The following TMEM182 variants were observed in gnomAD, a reference collection of about 807,000 sequenced individuals.
TMEM182 encodes transmembrane protein 182.
A neutral mutation model predicts 26.8 loss-of-function variants in TMEM182; 20 were observed. That is an observed-to-expected ratio of 0.75 (90% CI 0.53 to 1.09). TMEM182 has a LOEUF of 1.09. Among genes scored for constraint, TMEM182 ranks in the 50% least tolerant of loss-of-function variants. The pLI is 0.00. For synonymous variants in TMEM182, 109 were observed against 102.2 expected, an observed-to-expected ratio of 1.07 and a Z score of -0.40; for missense variants, 277 against 275.5, an observed-to-expected ratio of 1.01 and a Z score of -0.04.
chr2:102,829,288 C>G (rs1018628647), intron 3 of TMEM182, among the ~76,000 whole-genome samples: 1 of 152,108 alleles, frequency 6.6e-6, no homozygotes, highest in Non-Finnish European at 1.5e-5. Flanking sequence ...GGATAGGTCC[C>G]TAGTTTATGC....
At chr2:102,736,947 G>T (rs991030210) in exon 1 of TMEM182, 27 of 1,114,464 alleles carry the variant, frequency 2.4e-5, no homozygotes, top group Middle Eastern at 3.1e-4. Flanking sequence ...CTCCGCGGGT[G>T]CGTGGCCGGT....
At chr2:102,749,901 C>CT (rs1467181270) in intron 1 of TMEM182, among the ~76,000 whole-genome samples, 5 of 151,860 alleles carry the variant, frequency 3.3e-5, no homozygotes. Context: ...ATGAATAATA[C>CT]AAGGAATGAA....
At chr2:102,786,468 C>T (rs1419777683) in intron 3 of TMEM182, among the ~76,000 whole-genome samples, 2 of 152,186 alleles carry the variant, frequency 1.3e-5, no homozygotes, top group Non-Finnish European at 2.9e-5. Flanking sequence ...CTGCCTTGGC[C>T]TCCCAAAGTG....
At chr2:102,756,429 C>T (rs113130266) in intron 1 of TMEM182, among the ~76,000 whole-genome samples, 8 of 152,218 alleles carry the variant, frequency 5.3e-5, no homozygotes, top group South Asian at 4.2e-4. Context: ...AGAAATCTGC[C>T]GGGTGCAGTG....
chr2:102,786,847 C>A (rs910526103), intron 3 of TMEM182, among the ~76,000 whole-genome samples: 1 of 152,118 alleles, frequency 6.6e-6, no homozygotes, highest in African/African-American at 2.4e-5. Flanking sequence ...AAGACTGAGT[C>A]CCGGACACTC....
At chr2:102,840,620 A>G (rs1019349910) in intron 3 of TMEM182, among the ~76,000 whole-genome samples, 2 of 152,146 alleles carry the variant, frequency 1.3e-5, no homozygotes, top group African/African-American at 4.8e-5. Context: ...AAAATGAGGA[A>G]GGCCGATTAA....
intron 3 of TMEM182, among the ~76,000 whole-genome samples, chr2:102,776,821 C>T (rs185248211): frequency 1.4e-4 from 21 of 152,190 alleles, no homozygotes; most frequent in Admixed American, 1.3e-3. Flanking sequence ...TTGGTGTTGT[C>T]GGTGCTTTTG....
At chr2:102,801,112 C>G (rs1229490356) in intron 4 of TMEM182, among the ~76,000 whole-genome samples, 1 of 152,082 alleles carries the variant, frequency 6.6e-6, no homozygotes, top group Non-Finnish European at 1.5e-5. Flanking sequence ...TTGCTCAGGA[C>G]TTCATGCAAA....
At chr2:102,819,065 T>C (rs1682852779), downstream of TMEM182, among the ~76,000 whole-genome samples, 1 of 152,226 alleles carries the variant, frequency 6.6e-6, no homozygotes, top group Admixed American at 6.5e-5. Context: ...TTTAATATTC[T>C]CATTCTTCTG....
chr2:102,788,996 A>C (rs1681522089), intron 3 of TMEM182, among the ~76,000 whole-genome samples: 1 of 152,180 alleles, frequency 6.6e-6, no homozygotes, highest in Admixed American at 6.5e-5. Context: ...GACACTGCCA[A>C]GACAAGCAGT....
At position 102,764,943 on chromosome 2, in the gene TMEM182, A is replaced by C. The variant is rs1056510229; in HGVS notation, c.331+516A>C. On this transcript the variant is annotated intron_variant, in intron 3 of 4. Coordinates refer to ENST00000412401, the MANE Select transcript of TMEM182 (RefSeq NM_144632.5). ...TATCCCATAGGAGACAGACAGACAG[A>C]TATCATTAACTTAAAATCACATTAA... Among the ~76,000 whole-genome samples, 6 of 152,122 alleles carry C rather than the reference A, an allele frequency of 3.9e-5. No individual in the cohort carries two copies. The South Asian group carries it at 1.2e-3, about 32-fold the overall frequency.
intron 3 of TMEM182, among the ~76,000 whole-genome samples, chr2:102,839,472 A>ATAT (rs1558796831): frequency 1.5e-3 from 118 of 78,576 alleles, no homozygotes; most frequent in African/African-American, 5.1e-3. Flanking sequence ...TATATATATA[A>ATAT]TATATACACA....
intron 1 of TMEM182, among the ~76,000 whole-genome samples, chr2:102,749,452 T>A (rs1329767760): frequency 2.0e-5 from 3 of 152,200 alleles, no homozygotes; most frequent in African/African-American, 7.2e-5. Flanking sequence ...GAGGAGTGAC[T>A]GCAAATAGGC....
At chr2:102,838,495 C>T (rs1683289095) in intron 3 of TMEM182, among the ~76,000 whole-genome samples, 2 of 152,180 alleles carry the variant, frequency 1.3e-5, no homozygotes, top group African/African-American at 4.8e-5. Flanking sequence ...CTTCAGAGGG[C>T]TCCAGGATGG....
At chr2:102,840,577 G>A (rs1048789512) in intron 3 of TMEM182, among the ~76,000 whole-genome samples, 1 of 152,152 alleles carries the variant, frequency 6.6e-6, no homozygotes, top group Non-Finnish European at 1.5e-5. Flanking sequence ...GGCTCATATA[G>A]AGGACGCAAT....
At chr2:102,756,250 ATTTTG>A (rs1196787222) in intron 1 of TMEM182, among the ~76,000 whole-genome samples, 1 of 152,098 alleles carries the variant, frequency 6.6e-6, no homozygotes, top group African/African-American at 2.4e-5. Flanking sequence ...TTGCTTTTTA[ATTTTG>A]TTTTATTATT....
upstream of TMEM182, among the ~76,000 whole-genome samples, chr2:102,760,320 CAG>C (rs1432982427): frequency 3.3e-5 from 5 of 152,158 alleles, no homozygotes; most frequent in Non-Finnish European, 7.3e-5. Flanking sequence ...CTGTCACAGA[CAG>C]AGGATTGAAA....
At chr2:102,820,813 GA>G (rs1448650978), downstream of TMEM182, among the ~76,000 whole-genome samples, 2 of 152,320 alleles carry the variant, frequency 1.3e-5, no homozygotes, top group East Asian at 3.9e-4. Flanking sequence ...TATTTTGAGG[GA>G]AAAAGTTGAA....
chr2:102,748,739 CT>C (rs1176429549), intron 1 of TMEM182, among the ~76,000 whole-genome samples: 1 of 152,110 alleles, frequency 6.6e-6, no homozygotes, highest in Non-Finnish European at 1.5e-5. Context: ...TCTGTCTTTT[CT>C]TTTTTATTCT....
Sources: gnomAD v4.1 joint callset for allele counts (sites outside exome capture counted in the v4.1 genomes callset) on GRCh38, gnomAD v4.1.1 for gene constraint, MANE v1.5 for transcripts, NCBI Gene and HGNC (gene_info 2026-07-23, HGNC 2026-07-21) for gene names.